WDR24: variants seen among roughly 807,000 people sequenced by gnomAD.
The protein encoded by WDR24 is GATOR2 complex protein WDR24.
WDR24 carries 32 observed loss-of-function variants against 66.7 expected under a neutral mutation model. The observed-to-expected ratio is 0.48, with a 90% CI of 0.36 to 0.64. WDR24 has a LOEUF of 0.64. Ranked by LOEUF, WDR24 falls within the 30% of genes least tolerant of loss-of-function variation. The pLI is 0.00. For synonymous variants in WDR24, 565 were observed against 469.1 expected, an observed-to-expected ratio of 1.20 and a Z score of -2.64; for missense variants, 978 against 1,144.1, an observed-to-expected ratio of 0.85 and a Z score of 2.09.
rs765066319 is a variant in WDR24 at position 686,823 on chromosome 16, C to T, written c.1253G>A (p.Arg418His). 19 of 1,612,230 alleles carry T rather than the reference C, an allele frequency of 1.2e-5. No homozygotes were observed. The highest frequency in any genetic ancestry group is 2.2e-5 in the East Asian group (1 of 44,898). ...CAGTGGCCGGCCAGCCAGCGCATAA[C>T]GCTCAGCTGTGTCCACAAACCAGCG... ...GMRWFVDTAE[R>H]YALAGRPLAE... is the part of the protein sequence containing the mutation. The change falls in exon 3 of 9, where the codon CGT becomes CAT. Residue 418 changes from arginine to histidine, a missense_variant. Around this residue, in one of 2 missense-constraint regions of WDR24, gnomAD observed 676 missense variants for 617.5 expected, o/e 1.09. Transcript: ENST00000293883.
At position 687,090 on chromosome 16, in the gene WDR24, C is replaced by T. The variant is rs775491245; in HGVS notation, c.986G>A (p.Arg329His). The change falls in exon 3 of 9, where the codon CGC becomes CAC. Residue 329 changes from arginine (R) to histidine (H), a missense_variant. This residue lies in a region of WDR24 where 302 missense variants were observed against 526.6 expected (regional missense o/e 0.57). Coordinates refer to ENST00000293883, the MANE Select transcript of WDR24 (RefSeq NM_032259.4). The part of the protein sequence containing the change: ...KDSSLCQHLF[R>H]DASQPVERAN... ...GCGCTCGACGGGCTGGCTGGCGTCG[C>T]GGAACAGGTGCTGGCACAGCGAGCT... 2.2e-5 allele frequency: 36 copies of T among 1,608,568 alleles called. No homozygotes were observed. Among genetic ancestry groups the T allele is most frequent in the South Asian group, 1.2e-4 (11 of 90,958 alleles).
In WDR24 at chr16:689,580, T is replaced by A. The variant is rs1236968071; in HGVS notation, c.61A>T (p.Met21Leu). ...GCGGGAGCATCCAGGTGGCAGTGCA[T>A]GGTGCGGCCTGTCAGCACGCTGCCA... ...LGGSVLTGRT[M>L]HCHLDAPANA... The change falls in exon 1 of 9, where the codon ATG (methionine) becomes TTG (leucine). Residue 21 changes from methionine (M) to leucine (L), a missense_variant. Physicochemically the swap from Met to Leu is conservative, Grantham distance 15. This residue lies in a region of WDR24 where 302 missense variants were observed against 526.6 expected (regional missense o/e 0.57). Coordinates refer to ENST00000293883, the MANE Select transcript of WDR24 (RefSeq NM_032259.4). 1 of 1,612,920 alleles carries A rather than the reference T, an allele frequency of 6.2e-7. No homozygotes were observed. Among genetic ancestry groups the A allele is most frequent in the Non-Finnish European group, 8.5e-7 (1 of 1,180,022 alleles).
chr16:686,293 G>A, intron 3 of WDR24, 107 bp from the exon 4 acceptor site: 1 of 1,284,312 alleles, frequency 7.8e-7, no homozygotes, highest in Non-Finnish European at 1.1e-6. Context: ...GCTGCCCTCA[G>A]TACCCAATGT....
chr16:685,826 C>T (rs771791080), intron 5 of WDR24, 43 bp from the exon 6 acceptor site: 1 of 1,612,976 alleles, frequency 6.2e-7, no homozygotes. Context: ...TCTGGGACAC[C>T]CCCACCCCTC....
rs766223526 is a variant in WDR24, at chr16:685,174, C to T, written c.2022G>A (p.Glu674=). 1.9e-6 allele frequency: 3 copies of T among 1,586,406 alleles called. No individual in the cohort carries two copies. The highest frequency in any genetic ancestry group is 2.3e-5 in the East Asian group (1 of 43,020). The part of the protein sequence containing the change: ...VRKDIDEQTQ[E]HWYTSYIDLL... ...GGTCGATGTAGGAAGTGTACCAGTG[C>T]TCCTGGGGGAGGGAGCGCCCGGCAG... The change falls in exon 8 of 9, where the codon GAG becomes GAA. Residue 674 remains glutamate, a splice_region_variant and synonymous_variant. Transcript: ENST00000293883.
In WDR24 at chr16:685,709, G is replaced by C. The variant is rs201136100; in HGVS notation, c.1648C>G (p.Leu550Val). 23 of 1,613,092 alleles carry C rather than the reference G, an allele frequency of 1.4e-5. No individual in the cohort carries two copies. Among genetic ancestry groups the C allele is most frequent in the Non-Finnish European group, 1.7e-6 (2 of 1,180,018 alleles). The change falls in exon 6 of 9, where the codon CTG becomes GTG. Residue 550 changes from leucine to valine, a missense_variant. By Grantham distance (32) the Leu-to-Val change is conservative. Transcript: ENST00000293883. The stretch of plus-strand genomic sequence containing the variant: ...GCGTGTTCCGGATCCAGCAGGTACA[G>C]CTCGTCCTCCTCACCTTCCACGTCA... ...LGDVEGEEDE[L>V]YLLDPEHAHP...
rs2039869877 is a variant in WDR24, at chr16:685,002, C to G, written c.2194G>C (p.Val732Leu). The G allele has an allele frequency of 6.5e-7, 1 of 1,548,154 alleles. No individual in the cohort carries two copies. Among genetic ancestry groups the G allele is most frequent in the African/African-American group, 1.4e-5 (1 of 73,368 alleles). ...CKRPMSSRGWVCDRCHRCASM... is the reference protein window; with the variant it reads ...CKRPMSSRGWLCDRCHRCASM... ...ACCCCACTGCCCCACCTGTCGCAGA[C>G]CCAGCCCCGGCTGCTCATGGGCCGC... Residue 732 changes from valine (V) to leucine (L), a missense_variant, in exon 8 of 9, where the codon GTC (valine) becomes CTC (leucine). This residue lies in a region of WDR24 where 676 missense variants were observed against 617.5 expected (regional missense o/e 1.09). Coordinates refer to ENST00000293883, the MANE Select transcript of WDR24 (RefSeq NM_032259.4).
At chr16:686,036 A>AGCCCCT in intron 4 of WDR24, 32 bp downstream of exon 4, 3 of 1,612,768 alleles carry the variant, frequency 1.9e-6, no homozygotes, top group Non-Finnish European at 2.5e-6. Context: ...GAGCAGCCCC[A>AGCCCCT]GCCCCTGGGG....
Position 689,685 on chromosome 16 carries a change from G to A in WDR24, c.-45C>T, listed in dbSNP as rs1338106359. ...TCAGGGGTCAGGAGGTCAGTGAGGT[G>A]GGCTGGCCTGGTCAGCCTGGGTGGG... On this transcript the variant is annotated 5_prime_UTR_variant, in exon 1 of 9. Transcript: ENST00000293883. 8 of 1,595,130 alleles carry A rather than the reference G, an allele frequency of 5.0e-6. No individual in the cohort carries two copies. Among genetic ancestry groups the A allele is most frequent in the Non-Finnish European group, 6.8e-6 (8 of 1,170,064 alleles).
Position 685,272 on chromosome 16 carries a change from G to T in WDR24, c.2004C>A (p.Ile668=). 6.3e-7 allele frequency: 1 copy of T among 1,594,118 alleles called. No individual in the cohort carries two copies. The highest frequency in any genetic ancestry group is 1.3e-5 in the African/African-American group (1 of 74,844). ...IVLGERVRKD[I]DEQTQEHWYT... ...CACCACACACCTGGGTCTGCTCGTC[G>T]ATGTCCTTGCGCACCCGTTCACCCA... The change falls in exon 7 of 9, where the codon ATC becomes ATA. Residue 668 remains isoleucine (I), a synonymous_variant. Coordinates refer to ENST00000293883, the MANE Select transcript of WDR24 (RefSeq NM_032259.4).
chr16:685,770 G>A lies in WDR24; in HGVS notation c.1587C>T (p.Thr529=), dbSNP rs762924754. ...AGTCGGCAGGTACGTCGCTGCCCTC[G>A]GTTTCCTCGTTATCTGCCCGACAAT... ...TLITNEDNEE[T]EGSDVPADYL... is the part of the protein sequence containing the mutation. The change falls in exon 6 of 9, where the codon ACC becomes ACT. Residue 529 remains threonine (T), a synonymous_variant. Coordinates refer to ENST00000293883, the MANE Select transcript of WDR24 (RefSeq NM_032259.4). 3 of 1,613,048 alleles carry A rather than the reference G, an allele frequency of 1.9e-6. No individual in the cohort carries two copies. In the East Asian group the frequency reaches 6.7e-5, roughly 36 times the overall value.
chr16:687,367 T>C lies in WDR24; in HGVS notation c.709A>G (p.Met237Val), dbSNP rs763659130. ...ATCTCCTTGGCACGGTGCGTGGTCA[T>C]GTCCCAGACCTTCACCATCTTGTCG... ...GRDKMVKVWDMTTHRAKEMHC... is the reference protein window; with the variant it reads ...GRDKMVKVWDVTTHRAKEMHC... The change falls in exon 3 of 9, where the codon ATG becomes GTG. Residue 237 changes from methionine (M) to valine (V), a missense_variant. Met to Val is a conservative substitution (Grantham distance 21). Around this residue, in one of 2 missense-constraint regions of WDR24, gnomAD observed 302 missense variants for 526.6 expected, o/e 0.57. Coordinates refer to ENST00000293883, the MANE Select transcript of WDR24 (RefSeq NM_032259.4). The C allele has an allele frequency of 1.0e-5, 16 of 1,598,682 alleles. No homozygotes were observed. The East Asian group carries it at 1.8e-4, about 18-fold the overall frequency.
At position 685,588 on chromosome 16, in the gene WDR24, G is replaced by C; in HGVS notation, c.1688C>G (p.Pro563Arg). The change falls in exon 7 of 9, where the codon CCT (proline) becomes CGT (arginine). Residue 563 changes from proline to arginine, a missense_variant. By Grantham distance (103) the Pro-to-Arg change is moderately radical. This residue lies in a region of WDR24 where 676 missense variants were observed against 617.5 expected (regional missense o/e 1.09). Transcript: ENST00000293883. Reference protein sequence around the residue: ...LDPEHAHPEDPECVLPQEAFP... With the variant: ...LDPEHAHPEDRECVLPQEAFP... ...GGCCTCCTGCGGCAGCACGCACTCAGGGTCCTCGGCTGGAAGGCAGGGACC... is the reference window on the plus strand; with the variant it reads ...GGCCTCCTGCGGCAGCACGCACTCACGGTCCTCGGCTGGAAGGCAGGGACC... The C allele has an allele frequency of 1.3e-6, 2 of 1,597,428 alleles. No individual in the cohort carries two copies. Among genetic ancestry groups the C allele is most frequent in the Non-Finnish European group, 1.7e-6 (2 of 1,171,544 alleles).
rs766926255 is a variant in WDR24 at position 685,389 on chromosome 16, C to T, written c.1887G>A (p.Pro629=). 3.1e-6 allele frequency: 5 copies of T among 1,612,420 alleles called. No homozygotes were observed. Among genetic ancestry groups the T allele is most frequent in the South Asian group, 2.2e-5 (2 of 91,082 alleles). The change falls in exon 7 of 9, where the codon CCG becomes CCA. Residue 629 remains proline, a synonymous_variant. Transcript: ENST00000293883. The part of the protein sequence containing the change: ...VSHALYDSRL[P]PDFFGVLVRD... ...GCACCAGCACGCCGAAGAAGTCGGG[C>T]GGCAGGCGGCTGTCGTAGAGCGCGT... is the stretch of plus-strand genomic sequence containing the variant.
chr16:685,053 G>A lies in WDR24; in HGVS notation c.2143C>T (p.Leu715=), dbSNP rs866195139. 1.3e-6 allele frequency: 2 copies of A among 1,557,940 alleles called. No individual in the cohort carries two copies. The highest frequency in any genetic ancestry group is 2.4e-5 in the East Asian group (1 of 41,662). ...TTGCAGTGGCTGCAGTTGACGTGCA[G>A]GGTGGTGGAGGCCTGGTTGAGGCAG... ...VSCLNQASTT[L]HVNCSHCKRP... The change falls in exon 8 of 9, where the codon CTG becomes TTG. Residue 715 remains leucine, a synonymous_variant. Coordinates refer to ENST00000293883, the MANE Select transcript of WDR24 (RefSeq NM_032259.4).
rs747691268 is a variant in WDR24, at chr16:685,947, G to A, written c.1495C>T (p.Arg499Trp). 12 of 1,613,012 alleles carry A rather than the reference G, an allele frequency of 7.4e-6. No homozygotes were observed. Among genetic ancestry groups the A allele is most frequent in the South Asian group, 1.1e-5 (1 of 91,088 alleles). ...DMAPGLGSETRLDRSKGDARS... is the reference protein window; with the variant it reads ...DMAPGLGSETWLDRSKGDARS... Reference sequence around the variant, plus strand: ...GCATCTCCTTTGCTGCGGTCCAGCCGCGTCTCACTGCCCAACCCTGGGGCC... The same window carrying A: ...GCATCTCCTTTGCTGCGGTCCAGCCACGTCTCACTGCCCAACCCTGGGGCC... Residue 499 changes from arginine (R) to tryptophan (W), a missense_variant, in exon 5 of 9, where the codon CGG becomes TGG. By Grantham distance (101) the Arg-to-Trp change is moderately radical. This residue lies in a region of WDR24 where 676 missense variants were observed against 617.5 expected (regional missense o/e 1.09). Transcript: ENST00000293883.
rs1274814626 is a variant in WDR24 at position 686,620 on chromosome 16, C to T, written c.1332+124G>A. The stretch of plus-strand genomic sequence containing the variant: ...GACACCCTCAGCTACCAAGGCAAGG[C>T]CTGTTGGTGCGACTGGCTGGAGTCC... On this transcript the variant is annotated intron_variant, in intron 3 of 8. Transcript: ENST00000293883. 2.4e-6 allele frequency: 3 copies of T among 1,234,368 alleles called. No individual in the cohort carries two copies. The African/African-American group carries it at 4.6e-5, about 19-fold the overall frequency. The allele number at this position is 1,234,368 out of a possible 1,614,324, so 76.5% of individuals were successfully genotyped here.
In WDR24 at chr16:690,100, A is replaced by G; in HGVS notation, c.-460T>C. On this transcript the variant is annotated 5_prime_UTR_variant, in exon 1 of 9. Transcript: ENST00000293883. ...GCGGCGGGGCTCTAGGGAGGAACAA[A>G]AGAGGGGAGGGAACAGAGGGCTAGA... 1 of 459,576 alleles carries G rather than the reference A, an allele frequency of 2.2e-6. No individual in the cohort carries two copies. The highest frequency in any genetic ancestry group is 1.5e-5 in the South Asian group (1 of 64,586). 28.5% of individuals were successfully genotyped at this position (459,576 alleles called of 1,614,324 possible).
Position 685,295 on chromosome 16 carries a change from C to T in WDR24, c.1981G>A (p.Gly661Ser). Residue 661 changes from glycine (G) to serine (S), a missense_variant, in exon 7 of 9, where the codon GGT (glycine) becomes AGT (serine). Physicochemically the swap from Gly to Ser is moderately conservative, Grantham distance 56. Transcript: ENST00000293883. The part of the protein sequence containing the change: ...QMAVSVLIVL[G>S]ERVRKDIDEQ... ...TCGATGTCCTTGCGCACCCGTTCAC[C>T]CAGGACGATGAGCACAGACACAGCC... 6.3e-7 allele frequency: 1 copy of T among 1,599,258 alleles called. No homozygotes were observed. The highest frequency in any genetic ancestry group is 8.5e-7 in the Non-Finnish European group (1 of 1,173,516).
Sources: allele counts gnomAD v4.1 joint callset, GRCh38; gene constraint gnomAD v4.1.1; regional missense constraint gnomAD v4.1.1; transcripts MANE v1.5; gene names NCBI Gene and HGNC (gene_info 2026-07-23, HGNC 2026-07-21).